The following ASIC2 variants were observed in gnomAD, a reference collection of about 807,000 sequenced individuals.
ASIC2 encodes acid-sensing ion channel 2.
A neutral mutation model predicts 57.3 loss-of-function variants in ASIC2; 25 were observed. The observed-to-expected ratio is 0.44, with a 90% CI of 0.32 to 0.61. ASIC2 has a LOEUF of 0.61. Among genes scored for constraint, ASIC2 ranks in the 20% least tolerant of loss-of-function variants. The pLI is 0.06. For missense variants in ASIC2, 641 were observed against 738.1 expected, an observed-to-expected ratio of 0.87 and a Z score of 1.52; for synonymous variants, 319 against 307.5, an observed-to-expected ratio of 1.04 and a Z score of -0.39.
At chr17:33,304,583 T>A (rs1039204746) in intron 1 of ASIC2, among the ~76,000 whole-genome samples, 1 of 152,206 alleles carries the variant, frequency 6.6e-6, no homozygotes, top group Non-Finnish European at 1.5e-5. Flanking sequence ...GCTGACCTCA[T>A]TCCCCCTGGC....
intron 1 of ASIC2, among the ~76,000 whole-genome samples, chr17:33,962,327 G>T (rs774936750): frequency 6.6e-6 from 1 of 152,140 alleles, no homozygotes; most frequent in Admixed American, 6.5e-5. Flanking sequence ...TCCTGGGGGA[G>T]GTGACATCGG....
chr17:33,760,656 G>GGT (rs1226958133), intron 1 of ASIC2, among the ~76,000 whole-genome samples: 4 of 151,358 alleles, frequency 2.6e-5, no homozygotes, highest in East Asian at 1.9e-4. Context: ...TGGGTATGTG[G>GGT]GTGTGTGTGT....
chr17:33,146,714 C>T (rs1904577433), intron 1 of ASIC2, among the ~76,000 whole-genome samples: 1 of 152,222 alleles, frequency 6.6e-6, no homozygotes, highest in Admixed American at 6.5e-5. Context: ...CACCTGTGTC[C>T]TCATCTGCTC....
At chr17:33,619,404 T>C (rs1263363867) in intron 1 of ASIC2, among the ~76,000 whole-genome samples, 3 of 151,828 alleles carry the variant, frequency 2.0e-5, no homozygotes, top group Non-Finnish European at 4.4e-5. Flanking sequence ...AAACACAAGG[T>C]TTTAAGGGGA....
upstream of ASIC2, among the ~76,000 whole-genome samples, chr17:33,296,628 G>A (rs1905731113): frequency 6.6e-6 from 1 of 152,200 alleles, no homozygotes; most frequent in South Asian, 2.1e-4. Context: ...GCAGTGGCAG[G>A]AAAGTCTTCT....
chr17:33,384,172 T>G (rs1909588588), intron 1 of ASIC2, among the ~76,000 whole-genome samples: 1 of 152,236 alleles, frequency 6.6e-6, no homozygotes, highest in Admixed American at 6.5e-5. Context: ...CTGAGACATC[T>G]CAAATCCAAG....
chr17:33,336,558 C>G (rs1907520676), intron 1 of ASIC2, among the ~76,000 whole-genome samples: 2 of 152,064 alleles, frequency 1.3e-5, no homozygotes, highest in African/African-American at 4.8e-5. Flanking sequence ...ACAGAGATTC[C>G]CCAGTCCCCT....
chr17:33,808,880 T>C (rs1277709796), intron 1 of ASIC2, among the ~76,000 whole-genome samples: 1 of 152,238 alleles, frequency 6.6e-6, no homozygotes, highest in Non-Finnish European at 1.5e-5. Flanking sequence ...TTCCCTGCTT[T>C]ATGATGTCCC....
intron 1 of ASIC2, among the ~76,000 whole-genome samples, chr17:33,755,841 A>T (rs193073238): frequency 6.6e-6 from 1 of 152,308 alleles, no homozygotes; most frequent in African/African-American, 2.4e-5. Flanking sequence ...TACAGAGGAG[A>T]TGTTGCAGCA....
chr17:33,190,518 A>T lies in ASIC2; in HGVS notation c.709-78451T>A, dbSNP rs535373283. Among the ~76,000 whole-genome samples, 6 of 152,310 alleles carry T rather than the reference A, an allele frequency of 3.9e-5. No homozygotes were observed. The South Asian group carries it at 1.2e-3, about 32-fold the overall frequency. ...TGAAAATCTCAGCAGGATTTTTAAA[A>T]AATAGAAATTGACAAGCTACTACTA... On this transcript the variant is annotated intron_variant, in intron 1 of 9. Transcript: ENST00000225823.
intron 1 of ASIC2, among the ~76,000 whole-genome samples, chr17:33,216,178 T>C (rs1426005451): frequency 6.6e-6 from 1 of 152,224 alleles, no homozygotes; most frequent in Non-Finnish European, 1.5e-5. Flanking sequence ...TGATTGACCA[T>C]TGATTGGCAG....
At chr17:33,244,761 C>T (rs533892182) in intron 1 of ASIC2, among the ~76,000 whole-genome samples, 159 of 152,352 alleles carry the variant, frequency 1.0e-3, no homozygotes, top group African/African-American at 3.8e-3. Flanking sequence ...AAGGCGTGGT[C>T]TGACCACTAA....
At chr17:33,101,963 C>A (rs1233090053) in intron 2 of ASIC2, among the ~76,000 whole-genome samples, 2 of 152,018 alleles carry the variant, frequency 1.3e-5, no homozygotes, top group Admixed American at 1.3e-4. Context: ...CTGTAAAATG[C>A]CTCTCAGGAC....
At chr17:33,401,056 A>G (rs939311463) in intron 1 of ASIC2, among the ~76,000 whole-genome samples, 2 of 152,202 alleles carry the variant, frequency 1.3e-5, no homozygotes, top group African/African-American at 4.8e-5. Context: ...AGAGTTGGCC[A>G]TGTGAATGAC....
At chr17:33,294,304 GACCA>G (rs1905632327), upstream of ASIC2, among the ~76,000 whole-genome samples, 1 of 152,184 alleles carries the variant, frequency 6.6e-6, no homozygotes, top group Admixed American at 6.5e-5. Context: ...GTGGAAGAAG[GACCA>G]ACGTGTGTAT....
chr17:33,532,477 T>A (rs1334047012), intron 1 of ASIC2, among the ~76,000 whole-genome samples: 1 of 152,220 alleles, frequency 6.6e-6, no homozygotes, highest in African/African-American at 2.4e-5. Context: ...GATGGGCCAC[T>A]AGAAGATCTG....
chr17:33,278,254 A>G (rs2142165312), intron 1 of ASIC2, among the ~76,000 whole-genome samples: 1 of 147,370 alleles, frequency 6.8e-6, no homozygotes. Context: ...AGTCTTGTTC[A>G]TTTATTTGTT....
At chr17:33,123,942 A>G (rs2141999460) in intron 1 of ASIC2, among the ~76,000 whole-genome samples, 1 of 152,374 alleles carries the variant, frequency 6.6e-6, no homozygotes, top group South Asian at 2.1e-4. Flanking sequence ...ACAGGGCTGC[A>G]TTGAAAGCGA....
intron 1 of ASIC2, among the ~76,000 whole-genome samples, chr17:33,983,796 T>C (rs11654044): frequency 0.2 from 30,782 of 152,108 alleles, 3,382 homozygotes; most frequent in African/African-American, 0.27. Flanking sequence ...TTATTTTCAG[T>C]GGTTACCACC....
Sources: allele counts gnomAD v4.1 joint callset (sites outside exome capture counted in the v4.1 genomes callset), GRCh38; gene constraint gnomAD v4.1.1; transcripts MANE v1.5; gene names NCBI Gene and HGNC (gene_info 2026-07-23, HGNC 2026-07-21).